The following PDE11A variants were observed in gnomAD, a reference collection of about 807,000 sequenced individuals.
PDE11A encodes phosphodiesterase 11A.
A neutral mutation model predicts 100.5 loss-of-function variants in PDE11A; 100 were observed. The ratio of observed to expected loss-of-function variants is 1.00; its 90% CI spans 0.85 to 1.18. The LOEUF (loss-of-function observed/expected upper bound fraction) is 1.18. Ranked by LOEUF, PDE11A falls within the 50% of genes most tolerant of loss-of-function variation. PDE11A has a pLI of 0.00. For synonymous variants in PDE11A, 381 were observed against 420.8 expected (o/e 0.91, Z 1.16); for missense variants, 1,141 against 1,152.6 (o/e 0.99, Z 0.15).
At chr2:177,750,789 A>G (rs755443557) in intron 10 of PDE11A, among the ~76,000 whole-genome samples, 4 of 152,184 alleles carry the variant, frequency 2.6e-5, no homozygotes, top group Non-Finnish European at 5.9e-5. Context: ...TTATTTGAGT[A>G]CCAAAACACT....
At chr2:177,840,592 C>A (rs1300412905) in intron 5 of PDE11A, among the ~76,000 whole-genome samples, 1 of 152,176 alleles carries the variant, frequency 6.6e-6, no homozygotes, top group Non-Finnish European at 1.5e-5. Flanking sequence ...AATCCATGGG[C>A]AGAAACCATA....
chr2:177,829,555 T>C (rs1218308762), intron 6 of PDE11A, among the ~76,000 whole-genome samples: 1 of 151,738 alleles, frequency 6.6e-6, no homozygotes, highest in Non-Finnish European at 1.5e-5. Flanking sequence ...GCAATTCTCC[T>C]GCCTCAGCCT....
chr2:178,052,374 G>A (rs1289550892), intron 1 of PDE11A, among the ~76,000 whole-genome samples: 2 of 152,140 alleles, frequency 1.3e-5, no homozygotes, highest in South Asian at 4.2e-4. Flanking sequence ...GTGTGTAGAG[G>A]GAAATTTATA....
intron 2 of PDE11A, among the ~76,000 whole-genome samples, chr2:177,959,657 A>T (rs1317303583): frequency 1.3e-5 from 2 of 152,048 alleles, no homozygotes; most frequent in African/African-American, 4.8e-5. Flanking sequence ...CAATTGGGGG[A>T]ATGGTGTGGT....
At position 177,807,205 on chromosome 2, in the gene PDE11A, A is replaced by G. The variant is rs2082884999; in HGVS notation, c.1737+9624T>C. On this transcript the variant is annotated intron_variant, in intron 9 of 19. Coordinates refer to ENST00000286063, the MANE Select transcript of PDE11A (RefSeq NM_016953.4). Reference sequence around the variant, plus strand: ...CCCATTACATTTAGGGGAACAACAAAAATAATGGCAGAGTTTTCACTAGTA... The same window carrying G: ...CCCATTACATTTAGGGGAACAACAAGAATAATGGCAGAGTTTTCACTAGTA... Among the ~76,000 whole-genome samples, 3 of 152,148 alleles carry G rather than the reference A, an allele frequency of 2.0e-5. No homozygotes were observed. The South Asian group carries it at 6.2e-4, about 31-fold the overall frequency.
chr2:177,728,318 A>C, intron 10 of PDE11A, 146 bp from the exon 11 acceptor site: 1 of 558,016 alleles, frequency 1.8e-6, no homozygotes, highest in Non-Finnish European at 3.3e-6. Flanking sequence ...TCTGAGCTGT[A>C]AATGTCTTTT....
At chr2:177,794,367 A>G (rs1232048619) in intron 9 of PDE11A, among the ~76,000 whole-genome samples, 1 of 152,182 alleles carries the variant, frequency 6.6e-6, no homozygotes, top group Non-Finnish European at 1.5e-5. Context: ...AGAGTGAGGA[A>G]AGTGAGAATA....
intron 5 of PDE11A, among the ~76,000 whole-genome samples, chr2:177,863,169 C>T (rs2083971227): frequency 6.6e-6 from 1 of 151,822 alleles, no homozygotes; most frequent in Admixed American, 6.6e-5. Flanking sequence ...TTACACCATA[C>T]ACAAAAATCA....
At chr2:177,776,110 A>G (rs564568189) in intron 9 of PDE11A, among the ~76,000 whole-genome samples, 6 of 152,282 alleles carry the variant, frequency 3.9e-5, no homozygotes, top group African/African-American at 1.4e-4. Flanking sequence ...ATTTTTTTCA[A>G]TGAAATCATG....
intron 2 of PDE11A, among the ~76,000 whole-genome samples, chr2:178,085,344 T>TA (rs1308735327): frequency 3.3e-5 from 5 of 152,006 alleles, no homozygotes; most frequent in Middle Eastern, 6.8e-3. Context: ...CTTAAACAGG[T>TA]AAAAAATCTA....
intron 9 of PDE11A, among the ~76,000 whole-genome samples, chr2:177,781,980 AC>A (rs2105519001): frequency 6.6e-6 from 1 of 152,338 alleles, no homozygotes; most frequent in South Asian, 2.1e-4. Context: ...CTATGTCATT[AC>A]CCAGATTAAA....
chr2:177,885,701 C>G (rs1011436731), intron 4 of PDE11A, among the ~76,000 whole-genome samples: 5 of 152,104 alleles, frequency 3.3e-5, no homozygotes, highest in African/African-American at 1.2e-4. Context: ...AAGGAGGGCA[C>G]TGAATTACGG....
chr2:177,663,978 T>TAA, intron 18 of PDE11A, 29 bp from the exon 19 acceptor site: 1 of 1,335,696 alleles, frequency 7.5e-7, no homozygotes, highest in Non-Finnish European at 1.1e-6. Flanking sequence ...AGAACCTCGC[T>TAA]TTATTACACC....
chr2:177,836,076 T>C (rs571629740), intron 6 of PDE11A, among the ~76,000 whole-genome samples: 1 of 152,362 alleles, frequency 6.6e-6, no homozygotes, highest in African/African-American at 2.4e-5. Context: ...GCAGGACTGA[T>C]GGGCAGCTCT....
chr2:177,663,965 G>A lies in PDE11A; in HGVS notation c.2563-16C>T, dbSNP rs755728939. ...CAAAAATTGCCTAGAATGGGGGGCAGGAAGAACCTCGCTTTATTACACCAA... is the reference window on the plus strand; with the variant it reads ...CAAAAATTGCCTAGAATGGGGGGCAAGAAGAACCTCGCTTTATTACACCAA... On this transcript the variant is annotated splice_polypyrimidine_tract_variant and intron_variant, in intron 18 of 19. Transcript: ENST00000286063. 4 of 1,546,846 alleles carry A rather than the reference G, an allele frequency of 2.6e-6. No individual in the cohort carries two copies. The highest frequency in any genetic ancestry group is 1.1e-5 in the South Asian group (1 of 89,574).
chr2:177,786,432 T>A (rs1465122482), intron 9 of PDE11A, among the ~76,000 whole-genome samples: 13 of 151,164 alleles, frequency 8.6e-5, no homozygotes, highest in African/African-American at 3.2e-4. Flanking sequence ...ACCACAAAGA[T>A]GGGGAAAAAA....
At chr2:177,638,084 C>T (rs2080077852) in intron 19 of PDE11A, among the ~76,000 whole-genome samples, 1 of 148,942 alleles carries the variant, frequency 6.7e-6, no homozygotes, top group South Asian at 2.1e-4. Flanking sequence ...ACTGCAAGCT[C>T]CGCCTCCCAG....
At chr2:178,061,189 T>C (rs1053809310) in intron 1 of PDE11A, among the ~76,000 whole-genome samples, 19 of 152,182 alleles carry the variant, frequency 1.2e-4, no homozygotes, top group Non-Finnish European at 2.4e-4. Context: ...TAAGGCAGTA[T>C]ACGGTTCTTG....
chr2:178,107,875 C>G (rs1574402442), intron 1 of PDE11A, among the ~76,000 whole-genome samples: 1 of 152,088 alleles, frequency 6.6e-6, no homozygotes, highest in African/African-American at 2.4e-5. Context: ...GCATGCACCA[C>G]TATGCCTGGA....
Sources: allele counts gnomAD v4.1 joint callset (sites outside exome capture counted in the v4.1 genomes callset), GRCh38; gene constraint gnomAD v4.1.1; transcripts MANE v1.5; gene names NCBI Gene and HGNC (gene_info 2026-07-23, HGNC 2026-07-21).